Variants in SPSB1 observed in about 807,000 individuals in gnomAD.
SPSB1 encodes the protein SPRY domain-containing SOCS box protein 1.
In SPSB1, 8 loss-of-function variants were observed where a neutral mutation model predicts 21.2. The observed-to-expected ratio is 0.38, with a 90% confidence interval of 0.22 to 0.68. The LOEUF is 0.68. Ranked by LOEUF, SPSB1 falls within the 30% of genes least tolerant of loss-of-function variation. The probability of loss-of-function intolerance (pLI) is 0.53; values close to 1 mark genes in which losing one functional copy is unlikely to be tolerated. For synonymous variants in SPSB1, 169 were observed against 161.7 expected, an observed-to-expected ratio of 1.05 and a Z score of -0.34; for missense variants, 242 against 377.8, an observed-to-expected ratio of 0.64 and a Z score of 2.98.
In SPSB1 at chr1:9,356,175, G is replaced by A. The variant is rs769406033; in HGVS notation, c.284G>A (p.Arg95His). The change falls in exon 2 of 3, where the codon CGT becomes CAT. Residue 95 changes from arginine (R) to histidine (H), a missense_variant. Arg to His is a conservative substitution (Grantham distance 29). Transcript: ENST00000328089. This position sits in a 1 kb window ranked among gnomAD's most constrained non-coding sequence, Gnocchi z 7.4. The stretch of plus-strand genomic sequence containing the variant: ...ATCAGGGGCAAAGTCGGGTATACCC[G>A]TGGGCTGCACGTGTGGCAGATCACG... ...DAIRGKVGYTRGLHVWQITWA... is the reference protein window; with the variant it reads ...DAIRGKVGYTHGLHVWQITWA... 8.8e-6 allele frequency: 14 copies of A among 1,586,946 alleles called. No individual in the cohort carries two copies. Among genetic ancestry groups the A allele is most frequent in the South Asian group, 2.3e-5 (2 of 86,172 alleles).
At chr1:9,327,591 A>C (rs547842418) in intron 1 of SPSB1, among the ~76,000 whole-genome samples, 17 of 151,136 alleles carry the variant, frequency 1.1e-4, no homozygotes, top group Non-Finnish European at 1.9e-4. Flanking sequence ...GCAGCTGGCC[A>C]CTCCAGTGCA....
intron 1 of SPSB1, among the ~76,000 whole-genome samples, chr1:9,331,532 A>T (rs1265109409): frequency 6.6e-6 from 1 of 151,866 alleles, no homozygotes; most frequent in African/African-American, 2.4e-5. Flanking sequence ...GGGTTTCATC[A>T]TGTTGACCAG....
intron 1 of SPSB1, among the ~76,000 whole-genome samples, chr1:9,349,386 C>T (rs1640214714): frequency 6.6e-6 from 1 of 152,242 alleles, no homozygotes; most frequent in Non-Finnish European, 1.5e-5. Flanking sequence ...ACGATGGGGC[C>T]AGAGCTGTGC....
intron 1 of SPSB1, among the ~76,000 whole-genome samples, chr1:9,347,483 A>G (rs1557461709): frequency 6.6e-6 from 1 of 152,242 alleles, no homozygotes; most frequent in Non-Finnish European, 1.5e-5. Flanking sequence ...CCATTGTGAA[A>G]GGTTTGATGT....
chr1:9,308,970 G>A (rs1421334732), intron 1 of SPSB1, among the ~76,000 whole-genome samples: 3 of 152,100 alleles, frequency 2.0e-5, no homozygotes, highest in Non-Finnish European at 2.9e-5. Flanking sequence ...CTCCCTGCCA[G>A]GGGCTGGGCG....
At position 9,324,246 on chromosome 1, in the gene SPSB1, T is replaced by C. The variant is rs1483277262; in HGVS notation, c.-150+31175T>C. On this transcript the variant is annotated intron_variant, in intron 1 of 2. Coordinates refer to ENST00000328089, the MANE Select transcript of SPSB1 (RefSeq NM_025106.4). This position sits in a 1 kb window ranked among gnomAD's most constrained non-coding sequence, Gnocchi z 4.3. ...GCCTAGGTGGGAGGGACTTTGTCTT[T>C]ACTACCACGTGGAGCCGGCACATAG... 6.6e-6 allele frequency among the ~76,000 whole-genome samples: 1 copy of C among 152,228 alleles called. No homozygotes were observed.
chr1:9,321,212 C>T lies in SPSB1; in HGVS notation c.-150+28141C>T, dbSNP rs769746017. Among the ~76,000 whole-genome samples the T allele has an allele frequency of 6.6e-6, 1 of 152,032 alleles. No individual in the cohort carries two copies. Among genetic ancestry groups the T allele is most frequent in the Admixed American group, 6.6e-5 (1 of 15,262 alleles). On this transcript the variant is annotated intron_variant, in intron 1 of 2. Transcript: ENST00000328089. The surrounding 1 kb of genome is among the most constrained non-coding windows in gnomAD (Gnocchi z 4.8). Reference sequence around the variant, plus strand: ...GTTTAGTCTGCAGAGGCGTCTCAGGCGGTGGGCCTTAAACATTTACATTCT... The same window carrying T: ...GTTTAGTCTGCAGAGGCGTCTCAGGTGGTGGGCCTTAAACATTTACATTCT...
chr1:9,337,786 T>G (rs1022401239), intron 1 of SPSB1, among the ~76,000 whole-genome samples: 1 of 152,204 alleles, frequency 6.6e-6, no homozygotes, highest in African/African-American at 2.4e-5. Context: ...TTCGTTCTCT[T>G]GCTCCCTCAC....
intron 1 of SPSB1, among the ~76,000 whole-genome samples, chr1:9,310,842 C>T (rs1389030508): frequency 6.6e-6 from 1 of 152,132 alleles, no homozygotes; most frequent in East Asian, 1.9e-4. Flanking sequence ...AGAAAGGTTG[C>T]CTTGCATTTA....
rs1189752162 is a variant in SPSB1, at chr1:9,293,028, C to T, written c.-193C>T. 3 of 981,090 alleles carry T rather than the reference C, an allele frequency of 3.1e-6. No individual in the cohort carries two copies. The highest frequency in any genetic ancestry group is 3.6e-6 in the Non-Finnish European group (3 of 827,232). The allele number at this position is 981,090 out of a possible 1,614,324, so 60.8% of individuals were successfully genotyped here. A position where few individuals can be genotyped will look rare whatever the true frequency, so the allele number is the denominator to read the frequency against. ...GGGCGCGGCCCGGGCGCCCGAGCCT[C>T]CTCGGCCTTGGAGAGCAGCGGCGGC... is the stretch of plus-strand genomic sequence containing the variant. On this transcript the variant is annotated 5_prime_UTR_variant, in exon 1 of 3. Transcript: ENST00000328089. The surrounding 1 kb of genome is among the most constrained non-coding windows in gnomAD (Gnocchi z 5.1).
At chr1:9,350,208 G>A (rs1640234314) in intron 1 of SPSB1, among the ~76,000 whole-genome samples, 1 of 152,204 alleles carries the variant, frequency 6.6e-6, no homozygotes, top group Admixed American at 6.5e-5. Context: ...TTACAACCTG[G>A]TCTTCAGGAA....
intron 1 of SPSB1, among the ~76,000 whole-genome samples, chr1:9,311,532 G>A (rs372691340): frequency 1.6e-4 from 24 of 152,134 alleles, no homozygotes; most frequent in African/African-American, 5.3e-4. Context: ...GACCGATCGG[G>A]CTTAGAAATA....
At chr1:9,332,726 C>A (rs1265138829) in intron 1 of SPSB1, among the ~76,000 whole-genome samples, 1 of 152,144 alleles carries the variant, frequency 6.6e-6, no homozygotes, top group Non-Finnish European at 1.5e-5. Flanking sequence ...CGTTTCAGGT[C>A]AAGGGCATGG....
chr1:9,300,419 C>T (rs1639309457), intron 1 of SPSB1, among the ~76,000 whole-genome samples: 1 of 152,212 alleles, frequency 6.6e-6, no homozygotes, highest in East Asian at 1.9e-4. Flanking sequence ...CCAGCAGATC[C>T]AGTGGTGGTT....
chr1:9,301,423 C>G (rs904515402), intron 1 of SPSB1, among the ~76,000 whole-genome samples: 1 of 152,080 alleles, frequency 6.6e-6, no homozygotes, highest in Non-Finnish European at 1.5e-5. Context: ...TCACTTGAGC[C>G]TAGGAGGTTG....
intron 2 of SPSB1, among the ~76,000 whole-genome samples, chr1:9,365,709 T>C (rs935690911): frequency 6.6e-6 from 1 of 152,230 alleles, no homozygotes; most frequent in Non-Finnish European, 1.5e-5. Context: ...TTGAGACACA[T>C]TGGTGAATAT....
At chr1:9,312,772 T>A (rs928831973) in intron 1 of SPSB1, among the ~76,000 whole-genome samples, 4 of 152,214 alleles carry the variant, frequency 2.6e-5, no homozygotes, top group African/African-American at 9.6e-5. Context: ...TTTTTCAACC[T>A]GGTCAGTCTT....
intron 2 of SPSB1, among the ~76,000 whole-genome samples, chr1:9,360,089 G>A (rs1640445015): frequency 2.0e-5 from 3 of 152,140 alleles, no homozygotes; most frequent in African/African-American, 7.2e-5. Context: ...AGCGGTCAGT[G>A]GGGGAGTTGT....
chr1:9,297,897 T>G (rs1639252134), intron 1 of SPSB1, among the ~76,000 whole-genome samples: 1 of 152,168 alleles, frequency 6.6e-6, no homozygotes, highest in Non-Finnish European at 1.5e-5. Context: ...ACGCATACGT[T>G]GAGAAATAGA....
Sources: gnomAD v4.1 joint callset for allele counts (sites outside exome capture counted in the v4.1 genomes callset) on GRCh38, gnomAD v4.1.1 for gene constraint, Gnocchi (gnomAD v3.1) non-coding constraint, MANE v1.5 for transcripts, NCBI Gene and HGNC (gene_info 2026-07-23, HGNC 2026-07-21) for gene names.